GPC5: variants seen among roughly 807,000 people sequenced by gnomAD.
GPC5 encodes the protein glypican-5.
Under a neutral mutation model 53.9 loss-of-function variants are expected in GPC5, and 47 were observed. The ratio of observed to expected loss-of-function variants is 0.87; its 90% CI spans 0.69 to 1.11. The LOEUF (loss-of-function observed/expected upper bound fraction) is 1.11, where lower values mean the gene tolerates loss of function less well. Ranked by LOEUF, GPC5 falls within the 50% of genes most tolerant of loss-of-function variation. GPC5 has a pLI of 0.00. For synonymous variants in GPC5, 286 were observed against 263.3 expected, an observed-to-expected ratio of 1.09 and a Z score of -0.84; for missense variants, 748 against 713.1, an observed-to-expected ratio of 1.05 and a Z score of -0.56.
At chr13:92,498,071 A>T (rs982766735) in intron 7 of GPC5, among the ~76,000 whole-genome samples, 2 of 152,104 alleles carry the variant, frequency 1.3e-5, no homozygotes. Context: ...TCCTATTTGA[A>T]TACTCTTTAT....
chr13:92,403,077 T>C (rs1438896861), intron 7 of GPC5, among the ~76,000 whole-genome samples: 2 of 152,218 alleles, frequency 1.3e-5, no homozygotes, highest in East Asian at 3.9e-4. Flanking sequence ...AAATTTTCTA[T>C]TTCAATGTAG....
chr13:92,267,109 T>C (rs2042807682), intron 7 of GPC5, among the ~76,000 whole-genome samples: 1 of 152,126 alleles, frequency 6.6e-6, no homozygotes, highest in Non-Finnish European at 1.5e-5. Context: ...CTCGGAGTTC[T>C]AATAAGCATA....
intron 2 of GPC5, among the ~76,000 whole-genome samples, chr13:91,684,202 C>G (rs998744673): frequency 1.3e-5 from 2 of 152,132 alleles, no homozygotes; most frequent in African/African-American, 2.4e-5. Context: ...TTTCTCCACT[C>G]TTCCCTATCT....
intron 7 of GPC5, among the ~76,000 whole-genome samples, chr13:92,214,166 C>T (rs1017099342): frequency 6.6e-5 from 10 of 152,132 alleles, no homozygotes; most frequent in Non-Finnish European, 8.8e-5. Flanking sequence ...CTGTCCTTCA[C>T]GTGAAAATCA....
At chr13:92,206,310 G>A (rs61967887) in intron 7 of GPC5, among the ~76,000 whole-genome samples, 50,498 of 150,064 alleles carry the variant, frequency 0.34, 9,257 homozygotes, top group South Asian at 0.49. Flanking sequence ...GACTACAGGC[G>A]CCTGCCACCA....
At chr13:92,081,803 C>T (rs2041297966) in intron 6 of GPC5, among the ~76,000 whole-genome samples, 1 of 152,072 alleles carries the variant, frequency 6.6e-6, no homozygotes, top group South Asian at 2.1e-4. Context: ...GAAATTAACC[C>T]ATTTTAACAA....
At chr13:92,519,893 AAAAAG>A (rs375097316) in intron 7 of GPC5, among the ~76,000 whole-genome samples, 14,266 of 152,154 alleles carry the variant, frequency 0.094, 844 homozygotes, top group African/African-American at 0.17. Context: ...AAGACTAATA[AAAAAG>A]AAAAGAGAGA....
At chr13:92,683,546 AGGATTGATGT>A (rs1887167567) in intron 7 of GPC5, among the ~76,000 whole-genome samples, 1 of 152,228 alleles carries the variant, frequency 6.6e-6, no homozygotes, top group Non-Finnish European at 1.5e-5. Flanking sequence ...AGAACTGATG[AGGATTGATGT>A]GGGTTATTTC....
At chr13:92,049,532 A>G (rs1425212837) in intron 6 of GPC5, among the ~76,000 whole-genome samples, 1 of 152,130 alleles carries the variant, frequency 6.6e-6, no homozygotes, top group Non-Finnish European at 1.5e-5. Flanking sequence ...TTCTTTGCAT[A>G]TTATCAATTC....
At chr13:92,814,404 T>C (rs1353479478) in intron 7 of GPC5, among the ~76,000 whole-genome samples, 1 of 151,986 alleles carries the variant, frequency 6.6e-6, no homozygotes, top group African/African-American at 2.4e-5. Flanking sequence ...CTCATGCCTG[T>C]AATTCCAGCA....
intron 6 of GPC5, among the ~76,000 whole-genome samples, chr13:92,084,866 C>T (rs866527230): frequency 2.0e-5 from 3 of 152,128 alleles, no homozygotes; most frequent in African/African-American, 4.8e-5. Flanking sequence ...TAAGAAAACA[C>T]GTTAGACAGG....
chr13:91,842,566 T>G (rs1041279949), intron 5 of GPC5, among the ~76,000 whole-genome samples: 1 of 150,092 alleles, frequency 6.7e-6, no homozygotes, highest in Non-Finnish European at 1.5e-5. Context: ...GCCGGGCGTG[T>G]TGGCGGGCGC....
At chr13:92,780,965 T>G (rs900246229) in intron 7 of GPC5, among the ~76,000 whole-genome samples, 2 of 152,074 alleles carry the variant, frequency 1.3e-5, no homozygotes, top group African/African-American at 4.8e-5. Flanking sequence ...TAAAGGAAAT[T>G]GATAGTAGAC....
intron 7 of GPC5, among the ~76,000 whole-genome samples, chr13:92,349,492 CAA>C (rs2043457216): frequency 1.3e-5 from 2 of 148,418 alleles, no homozygotes; most frequent in South Asian, 4.2e-4. Context: ...TAAACACAAA[CAA>C]AATGAACAAA....
At chr13:91,434,652 T>C (rs1879768424) in intron 1 of GPC5, among the ~76,000 whole-genome samples, 1 of 152,228 alleles carries the variant, frequency 6.6e-6, no homozygotes, top group African/African-American at 2.4e-5. Context: ...TCCAGCTTTT[T>C]TCTTTTGGCG....
At chr13:92,334,263 G>A (rs1478376073) in intron 7 of GPC5, among the ~76,000 whole-genome samples, 3 of 152,144 alleles carry the variant, frequency 2.0e-5, no homozygotes, top group Non-Finnish European at 2.9e-5. Flanking sequence ...GTCTTACATG[G>A]CAGCAGGCAA....
intron 7 of GPC5, among the ~76,000 whole-genome samples, chr13:92,538,434 C>T (rs1009866589): frequency 8.0e-5 from 12 of 150,566 alleles, no homozygotes; most frequent in African/African-American, 2.7e-4. Context: ...CTCCTTTTTC[C>T]CATTTCTTTT....
chr13:91,951,420 CTT>C (rs1276439586), intron 6 of GPC5, among the ~76,000 whole-genome samples: 3 of 152,074 alleles, frequency 2.0e-5, no homozygotes, highest in Admixed American at 6.6e-5. Flanking sequence ...CGTTAACTCT[CTT>C]GATTGTGAAT....
chr13:91,457,788 G>C (rs977523495), intron 2 of GPC5, among the ~76,000 whole-genome samples: 1 of 152,096 alleles, frequency 6.6e-6, no homozygotes, highest in Non-Finnish European at 1.5e-5. Context: ...AAGTAGAGGA[G>C]CACTGACACG....
Sources: allele counts gnomAD v4.1 joint callset (sites outside exome capture counted in the v4.1 genomes callset), GRCh38; gene constraint gnomAD v4.1.1; transcripts MANE v1.5; gene names NCBI Gene and HGNC (gene_info 2026-07-23, HGNC 2026-07-21).